TENM3: variants seen among roughly 807,000 people sequenced by gnomAD.
TENM3 encodes teneurin-3.
In TENM3, 63 loss-of-function variants were observed where a neutral mutation model predicts 255.1. The ratio of observed to expected loss-of-function variants is 0.25; its 90% confidence interval spans 0.20 to 0.30. The LOEUF is 0.30. Among genes scored for constraint, TENM3 ranks in the 10% least tolerant of loss-of-function variants. The probability of loss-of-function intolerance (pLI) is 1.00; values close to 1 mark genes in which losing one functional copy is unlikely to be tolerated. For missense variants in TENM3, 2,929 were observed against 3,461.1 expected (o/e 0.85, Z 3.86); for synonymous variants, 1,306 against 1,322.3 (o/e 0.99, Z 0.27).
the TENM3 span, among the ~76,000 whole-genome samples, chr4:181,715,374 G>A: frequency 6.6e-6 from 1 of 152,056 alleles, no homozygotes; most frequent in Non-Finnish European, 1.5e-5. Flanking sequence ...TACTAGTCTT[G>A]CTAATCTAGT....
At chr4:182,081,333 C>G in the TENM3 span, among the ~76,000 whole-genome samples, 30 of 152,012 alleles carry the variant, frequency 2.0e-4, no homozygotes, top group African/African-American at 7.2e-4. Context: ...CACCTGTAAT[C>G]CCAGCACTTT....
chr4:182,571,853 C>A (rs1320942638), intron 3 of TENM3, among the ~76,000 whole-genome samples: 4 of 152,132 alleles, frequency 2.6e-5, no homozygotes, highest in Admixed American at 2.6e-4. Flanking sequence ...GAAACAAAAA[C>A]CAAAGACCAC....
the TENM3 span, among the ~76,000 whole-genome samples, chr4:181,641,697 T>C: frequency 3.1e-5 from 2 of 64,986 alleles, no homozygotes; most frequent in Non-Finnish European, 6.8e-5. Context: ...ATATAATGTA[T>C]AATATATATA....
the TENM3 span, among the ~76,000 whole-genome samples, chr4:181,919,936 A>C: frequency 8.1e-6 from 1 of 123,220 alleles, no homozygotes; most frequent in Non-Finnish European, 1.6e-5. Flanking sequence ...TCCTGTGTCC[A>C]TGTGTTCTCA....
intron 3 of TENM3, among the ~76,000 whole-genome samples, chr4:182,420,922 A>G (rs993253576): frequency 6.6e-6 from 1 of 152,172 alleles, no homozygotes; most frequent in African/African-American, 2.4e-5. Context: ...TGGAAGCCAC[A>G]TGCTTATTCT....
At chr4:182,029,616 T>G in the TENM3 span, among the ~76,000 whole-genome samples, 2 of 152,176 alleles carry the variant, frequency 1.3e-5, no homozygotes, top group Non-Finnish European at 2.9e-5. Flanking sequence ...CTTTTTGTCT[T>G]GAAATCTATT....
intron 22 of TENM3, among the ~76,000 whole-genome samples, chr4:182,757,311 CAAAAAAAAAAAA>C (rs10571604): frequency 3.0e-4 from 16 of 53,620 alleles, no homozygotes; most frequent in South Asian, 2.0e-3. Flanking sequence ...GACTCCGTCT[CAAAAAAAAAAAA>C]AAAAAAAAAA....
At chr4:182,190,576 A>T (rs576147059) in intron 1 of TENM3, among the ~76,000 whole-genome samples, 1 of 152,298 alleles carries the variant, frequency 6.6e-6, no homozygotes, top group South Asian at 2.1e-4. Context: ...CTCCCATGAC[A>T]ATTAACAGAC....
the TENM3 span, among the ~76,000 whole-genome samples, chr4:181,928,034 T>A: frequency 1.9e-4 from 29 of 151,764 alleles, no homozygotes; most frequent in Admixed American, 3.9e-4. Flanking sequence ...GTCACCAACA[T>A]CAAAGACCAA....
At chr4:181,753,530 G>C in the TENM3 span, among the ~76,000 whole-genome samples, 1 of 145,372 alleles carries the variant, frequency 6.9e-6, no homozygotes, top group East Asian at 2.0e-4. Flanking sequence ...TTGCAAAAAT[G>C]AAAAAAAAAA....
At chr4:181,515,206 C>T in the TENM3 span, among the ~76,000 whole-genome samples, 2 of 152,204 alleles carry the variant, frequency 1.3e-5, no homozygotes, top group Non-Finnish European at 2.9e-5. Context: ...ATTGCCTCTG[C>T]TTTCCCCCGG....
At chr4:181,588,684 G>A in the TENM3 span, among the ~76,000 whole-genome samples, 3 of 152,312 alleles carry the variant, frequency 2.0e-5, no homozygotes, top group South Asian at 6.2e-4. Flanking sequence ...AAATAGAGAA[G>A]AGAGGGAGTA....
the TENM3 span, among the ~76,000 whole-genome samples, chr4:181,746,843 G>A: frequency 6.6e-6 from 1 of 151,834 alleles, no homozygotes; most frequent in Non-Finnish European, 1.5e-5. Flanking sequence ...TATTAGCTCA[G>A]AGATATTGGA....
At chr4:182,462,098 G>A (rs72701916) in intron 3 of TENM3, among the ~76,000 whole-genome samples, 5,919 of 150,850 alleles carry the variant, frequency 0.039, 165 homozygotes, top group Non-Finnish European at 0.058. Context: ...ATTGAGACAG[G>A]GTCTCTGTCA....
intron 3 of TENM3, among the ~76,000 whole-genome samples, chr4:182,538,612 G>A (rs1212738502): frequency 1.3e-5 from 2 of 152,136 alleles, no homozygotes; most frequent in African/African-American, 4.8e-5. Flanking sequence ...AACAGTGCTG[G>A]GGGTTAGAAG....
At chr4:182,311,779 T>A (rs1762461275) in intron 1 of TENM3, among the ~76,000 whole-genome samples, 1 of 152,210 alleles carries the variant, frequency 6.6e-6, no homozygotes, top group African/African-American at 2.4e-5. Context: ...TGCCCAGCAC[T>A]TAGGGAAATC....
chr4:181,618,261 C>G, the TENM3 span, among the ~76,000 whole-genome samples: 1 of 152,146 alleles, frequency 6.6e-6, no homozygotes, highest in Non-Finnish European at 1.5e-5. Context: ...TCAGTCCTCT[C>G]ATCACTCTTT....
chr4:182,567,422 G>T (rs1743902531), intron 3 of TENM3, among the ~76,000 whole-genome samples: 1 of 152,146 alleles, frequency 6.6e-6, no homozygotes, highest in Non-Finnish European at 1.5e-5. Flanking sequence ...AAGTGTTTCA[G>T]TGTGTCACTG....
upstream of TENM3, among the ~76,000 whole-genome samples, chr4:182,140,445 G>A (rs56069626): frequency 6.6e-6 from 1 of 152,116 alleles, no homozygotes; most frequent in Non-Finnish European, 1.5e-5. Flanking sequence ...GTTCCTCATC[G>A]TTCCTAGGGT....
Sources: gnomAD v4.1 joint callset for allele counts (sites outside exome capture counted in the v4.1 genomes callset) on GRCh38, gnomAD v4.1.1 for gene constraint, MANE v1.5 for transcripts, NCBI Gene and HGNC (gene_info 2026-07-23, HGNC 2026-07-21) for gene names.